Variants in CAPN2 observed in about 807,000 individuals in gnomAD.
CAPN2 encodes calpain-2 catalytic subunit.
In CAPN2, 92 loss-of-function variants were observed where a neutral mutation model predicts 102.3. The ratio of observed to expected loss-of-function variants is 0.90; its 90% CI spans 0.76 to 1.07. The LOEUF (loss-of-function observed/expected upper bound fraction) is 1.07, where lower values mean the gene tolerates loss of function less well. CAPN2 is among the 50% of genes least tolerant of loss of function. The pLI is 0.00. For missense variants in CAPN2, 800 were observed against 909.4 expected (o/e 0.88, Z 1.55); for synonymous variants, 340 against 355.4 (o/e 0.96, Z 0.49).
Position 223,712,587 on chromosome 1 carries a change from A to T in CAPN2, c.-54A>T. On this transcript the variant is annotated 5_prime_UTR_variant, in exon 1 of 21. Transcript: ENST00000295006. ...CCCTGGCCGCGCCCCAGCCGAGCGC[A>T]GCGCGGAGTCGCCCCGACCTTTCTC... is the stretch of plus-strand genomic sequence containing the variant. 6.9e-7 allele frequency: 1 copy of T among 1,440,494 alleles called. No individual in the cohort carries two copies. The highest frequency in any genetic ancestry group is 9.1e-7 in the Non-Finnish European group (1 of 1,097,128). 89.2% of individuals were successfully genotyped at this position (1,440,494 alleles called of 1,614,324 possible). A position where few individuals can be genotyped will look rare whatever the true frequency, so the allele number is the denominator to read the frequency against.
chr1:223,718,384 A>T (rs371639355), intron 2 of CAPN2, among the ~76,000 whole-genome samples: 1 of 152,254 alleles, frequency 6.6e-6, no homozygotes, highest in East Asian at 1.9e-4. Context: ...CATTTAAGTA[A>T]AATGAACTGG....
chr1:223,735,335 T>C (rs377522868), intron 2 of CAPN2, among the ~76,000 whole-genome samples: 1 of 151,776 alleles, frequency 6.6e-6, no homozygotes, highest in Non-Finnish European at 1.5e-5. Flanking sequence ...CAAGACCAGC[T>C]TGGCCAACAT....
upstream of CAPN2, among the ~76,000 whole-genome samples, chr1:223,709,723 G>A (rs10916602): frequency 0.2 from 29,596 of 151,688 alleles, 3,214 homozygotes; most frequent in African/African-American, 0.29. Flanking sequence ...TGTTATAACT[G>A]GTTCAAAGGA....
At position 223,731,636 on chromosome 1, in the gene CAPN2, A is replaced by G. The variant is rs892862355; in HGVS notation, c.308-12464A>G. On this transcript the variant is annotated intron_variant, in intron 2 of 20. Transcript: ENST00000295006. The surrounding 1 kb of genome is among the most constrained non-coding windows in gnomAD (Gnocchi z 4.2). The stretch of plus-strand genomic sequence containing the variant: ...CCTCTAGACTGAGTACAGGCCTGGC[A>G]CGGAGCCAGGAATGCACCAACAAGG... Among the ~76,000 whole-genome samples the G allele has an allele frequency of 1.3e-5, 2 of 152,226 alleles. No individual in the cohort carries two copies. The highest frequency in any genetic ancestry group is 2.9e-5 in the Non-Finnish European group (2 of 68,046).
intron 2 of CAPN2, 101 bp from the exon 3 acceptor site, chr1:223,743,999 G>A: frequency 1.3e-6 from 1 of 789,310 alleles, no homozygotes; most frequent in East Asian, 2.4e-5. Context: ...TCTATTCACA[G>A]GTTGTCTTAG....
Position 223,769,921 on chromosome 1 carries a change from G to C in CAPN2, c.1824+12G>C, listed in dbSNP as rs377500274. On this transcript the variant is annotated intron_variant, in intron 17 of 20. Coordinates refer to ENST00000295006, the MANE Select transcript of CAPN2 (RefSeq NM_001748.5). ...TTCAAAAATACCAAGTAAGATCCCA[G>C]AGATGCGGGTGGATCTGTGTTGGGA... is the stretch of plus-strand genomic sequence containing the variant. The C allele has an allele frequency of 6.3e-6, 10 of 1,580,056 alleles. No individual in the cohort carries two copies. Among genetic ancestry groups the C allele is most frequent in the Non-Finnish European group, 8.6e-6 (10 of 1,159,546 alleles).
At chr1:223,704,040 G>A (rs964338738) in intron 1 of CAPN2, among the ~76,000 whole-genome samples, 5 of 151,458 alleles carry the variant, frequency 3.3e-5, no homozygotes, top group South Asian at 2.1e-4. Flanking sequence ...CCTGTAATCC[G>A]AGCACTTTGT....
At chr1:223,718,055 G>A (rs1659928373) in intron 2 of CAPN2, among the ~76,000 whole-genome samples, 1 of 152,258 alleles carries the variant, frequency 6.6e-6, no homozygotes, top group Admixed American at 6.5e-5. Context: ...CACAGGGCTA[G>A]TTGCTGAGGT....
chr1:223,723,982 C>T (rs1272243986), intron 2 of CAPN2, among the ~76,000 whole-genome samples: 3 of 151,866 alleles, frequency 2.0e-5, no homozygotes, highest in Admixed American at 2.0e-4. Flanking sequence ...GTTTGGGTGC[C>T]TCTTTAGATT....
chr1:223,739,901 A>G (rs1336659596), intron 2 of CAPN2, among the ~76,000 whole-genome samples: 1 of 152,202 alleles, frequency 6.6e-6, no homozygotes, highest in East Asian at 1.9e-4. Flanking sequence ...TTCTCGAGCT[A>G]GCTGGCTTAT....
rs1661129167 is a variant in CAPN2 at position 223,759,388 on chromosome 1, C to T, written c.1436C>T (p.Pro479Leu). The change falls in exon 12 of 21, where the codon CCA becomes CTA. Residue 479 changes from proline (P) to leucine (L), a missense_variant. Physicochemically the swap from Pro to Leu is moderately conservative, Grantham distance 98 (BLOSUM62 -3). Coordinates refer to ENST00000295006, the MANE Select transcript of CAPN2 (RefSeq NM_001748.5). The surrounding 1 kb of genome is among the most constrained non-coding windows in gnomAD (Gnocchi z 4.6). ...REVLNRFKLP[P>L]GEYILVPSTF... ...GTGCTCAACCGCTTCAAGCTGCCGCCAGGAGAGTACATTCTCGTGCCTTCC... is the reference window on the plus strand; with the variant it reads ...GTGCTCAACCGCTTCAAGCTGCCGCTAGGAGAGTACATTCTCGTGCCTTCC... 2.5e-6 allele frequency: 4 copies of T among 1,614,068 alleles called. No homozygotes were observed. Among genetic ancestry groups the T allele is most frequent in the Non-Finnish European group, 3.4e-6 (4 of 1,180,042 alleles).
intron 2 of CAPN2, among the ~76,000 whole-genome samples, chr1:223,718,716 T>C (rs1031601954): frequency 6.6e-6 from 1 of 152,226 alleles, no homozygotes; most frequent in African/African-American, 2.4e-5. Context: ...AGTAGCAAAA[T>C]CAGTCAACTA....
chr1:223,703,045 G>A (rs894288402), intron 1 of CAPN2, among the ~76,000 whole-genome samples: 1 of 152,156 alleles, frequency 6.6e-6, no homozygotes, highest in Non-Finnish European at 1.5e-5. Flanking sequence ...ACTGCACTTC[G>A]CAGGGTGCTG....
chr1:223,765,750 C>G (rs1281405622), intron 15 of CAPN2, among the ~76,000 whole-genome samples: 1 of 152,198 alleles, frequency 6.6e-6, no homozygotes, highest in African/African-American at 2.4e-5. Flanking sequence ...TGAGGCAGGT[C>G]AGGCTCTAAC....
intron 2 of CAPN2, among the ~76,000 whole-genome samples, chr1:223,742,978 C>A (rs1660661648): frequency 6.6e-6 from 1 of 152,194 alleles, no homozygotes; most frequent in Non-Finnish European, 1.5e-5. Context: ...TTCCCAGGCC[C>A]CCTCCCCTTT....
intron 5 of CAPN2, 52 bp from the exon 6 acceptor site, chr1:223,748,987 C>T (rs370788386): frequency 5.3e-6 from 8 of 1,521,840 alleles, no homozygotes; most frequent in African/African-American, 1.4e-5. Flanking sequence ...CGAGGGAGTC[C>T]GGGAGGAAGG....
At chr1:223,760,924 C>G (rs957965036) in intron 12 of CAPN2, among the ~76,000 whole-genome samples, 1 of 152,176 alleles carries the variant, frequency 6.6e-6, no homozygotes, top group African/African-American at 2.4e-5. Context: ...CACAGTGGCC[C>G]AAGGAAGAAC....
At chr1:223,740,131 G>C (rs1264064342) in intron 2 of CAPN2, among the ~76,000 whole-genome samples, 1 of 152,196 alleles carries the variant, frequency 6.6e-6, no homozygotes, top group African/African-American at 2.4e-5. Flanking sequence ...AACTGCTGAG[G>C]TTGTAGAACA....
At chr1:223,707,997 C>T (rs1659648018), upstream of CAPN2, among the ~76,000 whole-genome samples, 1 of 152,188 alleles carries the variant, frequency 6.6e-6, no homozygotes, top group Non-Finnish European at 1.5e-5. Flanking sequence ...CAGAAGAAGT[C>T]GGGGTGGGGC....
Sources: allele counts gnomAD v4.1 joint callset (sites outside exome capture counted in the v4.1 genomes callset), GRCh38; gene constraint gnomAD v4.1.1; non-coding constraint Gnocchi (gnomAD v3.1); transcripts MANE v1.5; gene names NCBI Gene and HGNC (gene_info 2026-07-23, HGNC 2026-07-21).